TTC39B: variants seen among roughly 807,000 people sequenced by gnomAD.
TTC39B encodes tetratricopeptide repeat protein 39B.
A neutral mutation model predicts 96.6 loss-of-function variants in TTC39B; 92 were observed. That is an observed-to-expected ratio of 0.95 (90% CI 0.80 to 1.13). The LOEUF (loss-of-function observed/expected upper bound fraction) is 1.13. Ranked by LOEUF, TTC39B falls within the 50% of genes most tolerant of loss-of-function variation. TTC39B has a pLI of 0.00. For synonymous variants in TTC39B, 367 were observed against 299.4 expected (o/e 1.23, Z -2.33); for missense variants, 955 against 809.3 (o/e 1.18, Z -2.18).
At chr9:15,250,588 A>C (rs1451042395) in intron 2 of TTC39B, among the ~76,000 whole-genome samples, 1 of 152,240 alleles carries the variant, frequency 6.6e-6, no homozygotes, top group Non-Finnish European at 1.5e-5. Context: ...AGGGAATTAA[A>C]CACATATATG....
At chr9:15,205,834 C>G (rs601351) in intron 6 of TTC39B, among the ~76,000 whole-genome samples, 27,205 of 151,820 alleles carry the variant, frequency 0.18, 3,549 homozygotes, top group African/African-American at 0.37. Flanking sequence ...GTGGGGGAGC[C>G]GGGGCGGAGG....
chr9:15,206,746 TTA>T (rs199609751), intron 6 of TTC39B, among the ~76,000 whole-genome samples: 1 of 151,080 alleles, frequency 6.6e-6, no homozygotes, highest in African/African-American at 2.5e-5. Flanking sequence ...GTTTATTAGT[TTA>T]TTTTTTTTAT....
At chr9:15,265,207 TA>T (rs33912380) in intron 2 of TTC39B, among the ~76,000 whole-genome samples, 45,425 of 151,866 alleles carry the variant, frequency 0.3, 10,947 homozygotes, top group African/African-American at 0.67. Context: ...TAATAGATGT[TA>T]AAAAAACTGC....
At chr9:15,285,365 A>G (rs1823930189) in intron 1 of TTC39B, among the ~76,000 whole-genome samples, 1 of 152,220 alleles carries the variant, frequency 6.6e-6, no homozygotes, top group African/African-American at 2.4e-5. Context: ...TTATTTAGAA[A>G]TAAGTTCAAA....
In TTC39B at chr9:15,281,164, GA is replaced by G. The variant is rs541195604; in HGVS notation, c.241-13217del. 9.1e-3 allele frequency among the ~76,000 whole-genome samples: 1,369 copies of G among 150,904 alleles called. 12 individuals carry two copies. Among genetic ancestry groups the G allele is most frequent in the Non-Finnish European group, 0.014 (942 of 67,710 alleles). ...TCCTTTTCTCTTTCTAAACTAAAAG[GA>G]AAAAAAATCTAAAAACAACAACAAC... On this transcript the variant is annotated intron_variant, in intron 1 of 19. Coordinates refer to ENST00000512701, the Ensembl canonical transcript of TTC39B.
intron 1 of TTC39B, among the ~76,000 whole-genome samples, chr9:15,287,491 G>A (rs769890811): frequency 1.3e-5 from 2 of 152,196 alleles, no homozygotes; most frequent in African/African-American, 4.8e-5. Context: ...CATTAGGCAT[G>A]TCACATGTCC....
At chr9:15,201,049 T>C (rs916297577) in intron 7 of TTC39B, among the ~76,000 whole-genome samples, 3 of 152,180 alleles carry the variant, frequency 2.0e-5, no homozygotes, top group African/African-American at 7.2e-5. Flanking sequence ...TATGTATTTC[T>C]CGTGTACTTA....
intron 10 of TTC39B, 75 bp from the exon 11 acceptor site, chr9:15,190,737 T>C: frequency 8.3e-7 from 1 of 1,198,304 alleles, no homozygotes; most frequent in Non-Finnish European, 1.2e-6. Flanking sequence ...TAAACATTTT[T>C]ATATATTAGG....
chr9:15,279,218 G>C (rs1389137791), intron 1 of TTC39B, among the ~76,000 whole-genome samples: 3 of 152,158 alleles, frequency 2.0e-5, no homozygotes, highest in Admixed American at 6.5e-5. Context: ...GAAACCTCCT[G>C]CATGATCTTG....
chr9:15,203,932 T>A (rs1415666317), intron 6 of TTC39B, 42 bp from the exon 7 acceptor site: 1 of 1,532,716 alleles, frequency 6.5e-7, no homozygotes, highest in East Asian at 2.4e-5. Flanking sequence ...AAATCACACA[T>A]CCAAAGTGAT....
At chr9:15,177,671 G>A in intron 18 of TTC39B, 26 bp downstream of exon 18, 2 of 1,499,958 alleles carry the variant, frequency 1.3e-6, no homozygotes, top group Non-Finnish European at 1.8e-6. Context: ...ATTTGCACTT[G>A]GGCTGGTTTT....
At chr9:15,294,757 G>A (rs1824310018) in intron 1 of TTC39B, among the ~76,000 whole-genome samples, 1 of 152,186 alleles carries the variant, frequency 6.6e-6, no homozygotes, top group Non-Finnish European at 1.5e-5. Flanking sequence ...AGGTTTTTCT[G>A]CAAGACTCTG....
intron 1 of TTC39B, among the ~76,000 whole-genome samples, chr9:15,270,038 G>A: frequency 6.6e-6 from 1 of 151,802 alleles, no homozygotes. Flanking sequence ...GCATGGTGGT[G>A]CATTTCTGTA....
exon 20 of TTC39B, chr9:15,165,795 C>T (rs921907521): frequency 2.6e-5 from 4 of 152,236 alleles, no homozygotes; most frequent in Non-Finnish European, 4.4e-5. Context: ...TCACCTCCCA[C>T]TGGGTCCCTC....
rs148301755 is a variant in TTC39B at position 15,253,247 on chromosome 9, C to A, written c.275+14667G>T. Among the ~76,000 whole-genome samples, 56 of 152,200 alleles carry A rather than the reference C, an allele frequency of 3.7e-4. 1 individual carries two copies. The East Asian group carries it at 9.6e-3, about 26-fold the overall frequency. On this transcript the variant is annotated intron_variant, in intron 2 of 19. Transcript: ENST00000512701. ...CATTATTGTGGGTTATTTGAGTGGG[C>A]CCTAAAGGCAATCACAAATTTCCTT...
chr9:15,193,361 A>G (rs531707735), intron 8 of TTC39B, among the ~76,000 whole-genome samples: 1 of 152,330 alleles, frequency 6.6e-6, no homozygotes, highest in South Asian at 2.1e-4. Flanking sequence ...AAAATATAAA[A>G]ATTGATAATA....
In TTC39B at chr9:15,167,011, TATATATA is replaced by T. The variant is rs1817537465; in HGVS notation, c.*5001_*5007del. On this transcript the variant is annotated 3_prime_UTR_variant, in exon 20 of 20. Transcript: ENST00000512701. ...ATATATATATATATATATATATATA[TATATATA>T]TATATATATATTTTTTTTTTTTTTT... 3.6e-3 allele frequency: 33 copies of T among 9,278 alleles called. 1 individual carries two copies. The highest frequency in any genetic ancestry group is 4.2e-3 in the Non-Finnish European group (22 of 5,240). The allele number at this position is 9,278 out of a possible 1,614,324, so 0.6% of individuals were successfully genotyped here.
intron 2 of TTC39B, among the ~76,000 whole-genome samples, chr9:15,227,315 A>T (rs1382526051): frequency 6.6e-6 from 1 of 152,124 alleles, no homozygotes; most frequent in Non-Finnish European, 1.5e-5. Flanking sequence ...TCTCAAAAAA[A>T]AAAAAAAAGT....
chr9:15,271,543 T>A (rs546090094), intron 1 of TTC39B, among the ~76,000 whole-genome samples: 80 of 152,226 alleles, frequency 5.3e-4, no homozygotes, highest in African/African-American at 1.9e-3. Flanking sequence ...GCATGCACAT[T>A]TCACAGTAGG....
Sources: allele counts gnomAD v4.1 joint callset (sites outside exome capture counted in the v4.1 genomes callset), GRCh38; gene constraint gnomAD v4.1.1; transcripts MANE v1.5; gene names NCBI Gene and HGNC (gene_info 2026-07-23, HGNC 2026-07-21).